The following BRCA2 variants were observed in gnomAD, a reference collection of about 807,000 sequenced individuals.
BRCA2 encodes the protein breast cancer type 2 susceptibility protein.
A neutral mutation model predicts 276.7 loss-of-function variants in BRCA2; 203 were observed. The ratio of observed to expected loss-of-function variants is 0.73; its 90% confidence interval spans 0.65 to 0.82. The LOEUF (loss-of-function observed/expected upper bound fraction) is 0.82. Among genes scored for constraint, BRCA2 ranks in the 40% least tolerant of loss-of-function variants. The pLI is 0.00. For missense variants in BRCA2, 3,920 were observed against 3,915.0 expected (o/e 1.00, Z -0.03); for synonymous variants, 1,289 against 1,338.4 (o/e 0.96, Z 0.81).
intron 22 of BRCA2, 27 bp from the exon 23 acceptor site, chr13:32,379,723 G>T (rs368933530): frequency 1.3e-6 from 2 of 1,598,806 alleles, no homozygotes; most frequent in Non-Finnish European, 1.7e-6. Flanking sequence ...TTCTTCCATT[G>T]CATCTTTCTC....
In BRCA2 at chr13:32,337,109, C is replaced by T. The variant is rs753073979; in HGVS notation, c.2754C>T (p.Asn918=). The T allele has an allele frequency of 1.4e-5, 22 of 1,613,616 alleles. No homozygotes were observed. Among genetic ancestry groups the T allele is most frequent in the South Asian group, 4.4e-5 (4 of 91,018 alleles). Residue 918 remains asparagine (N), a synonymous_variant, in exon 11 of 27, where the codon AAC becomes AAT. Coordinates refer to ENST00000380152, the MANE Select transcript of BRCA2 (RefSeq NM_000059.4). ...ATGAAACAGACTTGACTTGTGTAAA[C>T]GAACCCATTTTCAAGAACTCTACCA... ...ELHETDLTCV[N]EPIFKNSTMV...
intron 15 of BRCA2, 52 bp from the exon 16 acceptor site, chr13:32,357,690 A>T (rs2137565683): frequency 6.4e-7 from 1 of 1,557,364 alleles, no homozygotes; most frequent in South Asian, 1.1e-5. Context: ...ATTGTGTGAT[A>T]CATGTTTACT....
intron 21 of BRCA2, among the ~76,000 whole-genome samples, chr13:32,377,206 T>G (rs2072879733): frequency 6.6e-6 from 1 of 152,206 alleles, no homozygotes; most frequent in African/African-American, 2.4e-5. Flanking sequence ...CTAAGGGTAC[T>G]TGGGTAGAAA....
At chr13:32,353,264 CTT>C (rs1232729915) in intron 13 of BRCA2, among the ~76,000 whole-genome samples, 1 of 152,172 alleles carries the variant, frequency 6.6e-6, no homozygotes, top group African/African-American at 2.4e-5. Context: ...TGTCCCTCCT[CTT>C]TTCACTTATC....
rs777994248 is a variant in BRCA2, at chr13:32,337,602, A to G, written c.3247A>G (p.Asn1083Asp). Reference protein sequence around the residue: ...QSSVVVSDCKNSHITPQMLFS... With the variant: ...QSSVVVSDCKDSHITPQMLFS... ...TAGTGTAGTTGTTTCTGATTGTAAA[A>G]ATAGTCATATAACCCCTCAGATGTT... Residue 1083 changes from asparagine (N) to aspartate (D), a missense_variant, in exon 11 of 27, where the codon AAT becomes GAT. Physicochemically the swap from Asn to Asp is conservative, Grantham distance 23. Coordinates refer to ENST00000380152, the MANE Select transcript of BRCA2 (RefSeq NM_000059.4). The G allele has an allele frequency of 6.3e-7, 1 of 1,593,956 alleles. No individual in the cohort carries two copies. The highest frequency in any genetic ancestry group is 8.5e-7 in the Non-Finnish European group (1 of 1,170,434).
At chr13:32,369,056 C>T (rs1342422050) in intron 18 of BRCA2, among the ~76,000 whole-genome samples, 1 of 152,092 alleles carries the variant, frequency 6.6e-6, no homozygotes, top group Non-Finnish European at 1.5e-5. Context: ...GATCCACCCG[C>T]CTCGGCCTCC....
At chr13:32,389,271 G>A (rs1016545484) in intron 24 of BRCA2, among the ~76,000 whole-genome samples, 1 of 152,060 alleles carries the variant, frequency 6.6e-6, no homozygotes, top group Non-Finnish European at 1.5e-5. Flanking sequence ...GGATATCATA[G>A]TATTATTATT....
Position 32,398,157 on chromosome 13 carries a change from A to G in BRCA2, c.9649-5A>G, listed in dbSNP as rs1057522325. ...TGATAGGCTACGTTTTCATTTTTTT[A>G]TCAGATGTCTTCTCCTAATTGTGAG... On this transcript the variant is annotated splice_polypyrimidine_tract_variant and splice_region_variant and intron_variant, in intron 26 of 26. Transcript: ENST00000380152. The G allele has an allele frequency of 6.2e-7, 1 of 1,604,010 alleles. No homozygotes were observed. The highest frequency in any genetic ancestry group is 8.5e-7 in the Non-Finnish European group (1 of 1,175,272).
rs2137484375 is a variant in BRCA2 at position 32,336,575 on chromosome 13, A to T, written c.2220A>T (p.Pro740=). Reference sequence around the variant, plus strand: ...AGGTCTTGGCTGCAGCATGTCACCCAGTACAACATTCAAAAGTGGAATACA... The same window carrying T: ...AGGTCTTGGCTGCAGCATGTCACCCTGTACAACATTCAAAAGTGGAATACA... ...KEEVLAAACH[P]VQHSKVEYSD... The change falls in exon 11 of 27, where the codon CCA becomes CCT. Residue 740 remains proline, a synonymous_variant. Coordinates refer to ENST00000380152, the MANE Select transcript of BRCA2 (RefSeq NM_000059.4). 1 of 1,614,110 alleles carries T rather than the reference A, an allele frequency of 6.2e-7. No homozygotes were observed. Among genetic ancestry groups the T allele is most frequent in the South Asian group, 1.1e-5 (1 of 91,076 alleles).
rs760139297 is a variant in BRCA2, at chr13:32,363,283, T to C, written c.8081T>C (p.Ile2694Thr). Residue 2694 changes from isoleucine (I) to threonine (T), a missense_variant, in exon 18 of 27, where the codon ATT becomes ACT. Coordinates refer to ENST00000380152, the MANE Select transcript of BRCA2 (RefSeq NM_000059.4). ...KTLVLCVSDI[I>T]SLSANISETS... ...CTTGTTCTCTGTGTTTCTGACATAA[T>C]TTCATTGAGCGCAAATATATCTGAA... 1 of 1,614,184 alleles carries C rather than the reference T, an allele frequency of 6.2e-7. No homozygotes were observed. Among genetic ancestry groups the C allele is most frequent in the Non-Finnish European group, 8.5e-7 (1 of 1,180,018 alleles).
intron 3 of BRCA2, 85 bp downstream of exon 3, chr13:32,319,410 A>C: frequency 7.4e-7 from 1 of 1,357,506 alleles, no homozygotes; most frequent in Non-Finnish European, 1.0e-6. Context: ...CTCATTCATT[A>C]ATTGTGTCAT....
intron 18 of BRCA2, among the ~76,000 whole-genome samples, chr13:32,369,808 A>G (rs952518476): frequency 6.6e-6 from 1 of 152,106 alleles, no homozygotes. Context: ...TCCTGACCTC[A>G]GGTGATACGC....
chr13:32,384,359 G>C (rs571430472), intron 24 of BRCA2, among the ~76,000 whole-genome samples: 2 of 152,198 alleles, frequency 1.3e-5, no homozygotes, highest in Non-Finnish European at 2.9e-5. Context: ...GAAAGGATTC[G>C]AGGAGATGAA....
At position 32,381,563 on chromosome 13, in the gene BRCA2, T is replaced by A. The variant is rs11571773; in HGVS notation, c.9256+1418T>A. ...CGCAGTACAGCAGGATCATGCCTAG[T>A]GTGCCGTGAAGCATTGGCAGAGACC... On this transcript the variant is annotated intron_variant, in intron 24 of 26. Coordinates refer to ENST00000380152, the MANE Select transcript of BRCA2 (RefSeq NM_000059.4). 7.2e-3 allele frequency among the ~76,000 whole-genome samples: 1,097 copies of A among 152,236 alleles called. 15 individuals are homozygous for A. Among genetic ancestry groups the A allele is most frequent in the African/African-American group, 0.025 (1,041 of 41,544 alleles).
At position 32,355,313 on chromosome 13, in the gene BRCA2, G is replaced by C. The variant is rs1480289985; in HGVS notation, c.7435+25G>C. 3 of 1,612,254 alleles carry C rather than the reference G, an allele frequency of 1.9e-6. No homozygotes were observed. The African/African-American group carries it at 4.0e-5, about 22-fold the overall frequency. ...GGTATTGTATGACAATTTGTGTGATGAATTTTTGCCTTTCAGTTAGATATT... is the reference window on the plus strand; with the variant it reads ...GGTATTGTATGACAATTTGTGTGATCAATTTTTGCCTTTCAGTTAGATATT... On this transcript the variant is annotated intron_variant, in intron 14 of 26. Transcript: ENST00000380152.
chr13:32,379,199 C>A, intron 21 of BRCA2, 118 bp from the exon 22 acceptor site: 1 of 899,882 alleles, frequency 1.1e-6, no homozygotes, highest in Non-Finnish European at 1.7e-6. Flanking sequence ...ACATTAACCA[C>A]ACCCTTAAGA....
At chr13:32,368,513 C>G (rs925071128) in intron 18 of BRCA2, among the ~76,000 whole-genome samples, 1 of 150,900 alleles carries the variant, frequency 6.6e-6, no homozygotes, top group African/African-American at 2.4e-5. Flanking sequence ...GTTTTTTCTG[C>G]TCCCTGCATT....
At chr13:32,324,328 A>G (rs112523589) in intron 3 of BRCA2, among the ~76,000 whole-genome samples, 83 of 152,326 alleles carry the variant, frequency 5.4e-4, no homozygotes, top group African/African-American at 1.8e-3. Context: ...AGCTTGTACA[A>G]AGTCCTAGAG....
At position 32,362,606 on chromosome 13, in the gene BRCA2, A is replaced by G; in HGVS notation, c.7889A>G (p.Lys2630Arg). 1 of 1,614,194 alleles carries G rather than the reference A, an allele frequency of 6.2e-7. No individual in the cohort carries two copies. The highest frequency in any genetic ancestry group is 2.2e-5 in the East Asian group (1 of 44,884). The change falls in exon 17 of 27, where the codon AAA (lysine) becomes AGA (arginine). Residue 2630 changes from lysine (K) to arginine (R), a missense_variant. Transcript: ENST00000380152. Reference sequence around the variant, plus strand: ...AATCACTATAGATGGATCATATGGAAACTGGCAGCTATGGAATGTGCCTTT... The same window carrying G: ...AATCACTATAGATGGATCATATGGAGACTGGCAGCTATGGAATGTGCCTTT... ...VYNHYRWIIW[K>R]LAAMECAFPK... is the part of the protein sequence containing the mutation.
Sources: gnomAD v4.1 joint callset for allele counts (sites outside exome capture counted in the v4.1 genomes callset) on GRCh38, gnomAD v4.1.1 for gene constraint, MANE v1.5 for transcripts, NCBI Gene and HGNC (gene_info 2026-07-23, HGNC 2026-07-21) for gene names.